POLR3E: variants seen among roughly 807,000 people sequenced by gnomAD.
The protein encoded by POLR3E is DNA-directed RNA polymerase III subunit RPC5.
Under a neutral mutation model 96.6 loss-of-function variants are expected in POLR3E, and 41 were observed. That is an observed-to-expected ratio of 0.42 (90% confidence interval 0.33 to 0.55). The LOEUF (loss-of-function observed/expected upper bound fraction) is 0.55, where lower values mean the gene tolerates loss of function less well. POLR3E is among the 20% of genes least tolerant of loss of function. POLR3E has a pLI of 0.06. For missense variants in POLR3E, 849 were observed against 952.1 expected (o/e 0.89, Z 1.43); for synonymous variants, 396 against 383.6 (o/e 1.03, Z -0.38).
chr16:22,301,542 G>A (rs7184510), intron 1 of POLR3E, among the ~76,000 whole-genome samples: 29,772 of 152,106 alleles, frequency 0.2, 6,945 homozygotes, highest in African/African-American at 0.56. Context: ...AATCACGGCA[G>A]AGCACTTCAA....
intron 5 of POLR3E, 116 bp from the exon 6 acceptor site, chr16:22,309,312 C>A (rs2048196428): frequency 5.9e-6 from 5 of 851,298 alleles, no homozygotes; most frequent in African/African-American, 1.6e-5. Context: ...TGCCCTGCGG[C>A]CTTGGTCCCT....
chr16:22,311,782 C>T (rs2048253071), intron 6 of POLR3E, among the ~76,000 whole-genome samples: 1 of 152,108 alleles, frequency 6.6e-6, no homozygotes, highest in South Asian at 2.1e-4. Flanking sequence ...AGATATGAGC[C>T]ACTGCACCCA....
At chr16:22,299,501 C>T (rs1353176878) in intron 1 of POLR3E, among the ~76,000 whole-genome samples, 1 of 150,148 alleles carries the variant, frequency 6.7e-6, no homozygotes, top group East Asian at 2.0e-4. Flanking sequence ...GCAACCTCTG[C>T]CTTCTGGGTT....
Position 22,322,684 on chromosome 16 carries a change from C to A in POLR3E, c.987-166C>A, listed in dbSNP as rs541136245. On this transcript the variant is annotated intron_variant, in intron 13 of 20. Coordinates refer to ENST00000299853, the MANE Select transcript of POLR3E (RefSeq NM_018119.4). The surrounding 1 kb of genome is among the most constrained non-coding windows in gnomAD (Gnocchi z 5.2). ...GTGTGGGGTAGAGGGGTGCTTCTTT[C>A]CCATGTCTGTGTTCACAGATGTGGC... Among the ~76,000 whole-genome samples, 1 of 152,172 alleles carries A rather than the reference C, an allele frequency of 6.6e-6. No homozygotes were observed. Among genetic ancestry groups the A allele is most frequent in the South Asian group, 2.1e-4 (1 of 4,828 alleles).
chr16:22,315,334 A>G, intron 9 of POLR3E, 126 bp downstream of exon 9: 1 of 1,040,130 alleles, frequency 9.6e-7, no homozygotes, highest in Non-Finnish European at 1.4e-6. Context: ...TAGAGGATCG[A>G]GTCCTGTGGG....
intron 3 of POLR3E, among the ~76,000 whole-genome samples, chr16:22,307,515 C>T (rs1369194699): frequency 6.6e-6 from 1 of 152,188 alleles, no homozygotes; most frequent in East Asian, 1.9e-4. Context: ...GGACAGTGTA[C>T]TGTGAGGACA....
rs569765174 is a variant in POLR3E at position 22,314,161 on chromosome 16, G to A, written c.522+33G>A. 7 of 1,594,446 alleles carry A rather than the reference G, an allele frequency of 4.4e-6. No homozygotes were observed. In the South Asian group the frequency reaches 7.7e-5, roughly 18 times the overall value. ...CTGGCCCCTGGAGGAGGAGGGTGCT[G>A]CCTGGGCGGCAGCAGGACCAGAGAC... On this transcript the variant is annotated intron_variant, in intron 8 of 20. Coordinates refer to ENST00000299853, the MANE Select transcript of POLR3E (RefSeq NM_018119.4).
Position 22,325,891 on chromosome 16 carries a change from C to G in POLR3E, c.1479C>G (p.Pro493=), listed in dbSNP as rs539462719. ...KEQLRVPAVP[P]GVRIKEEPVS... is the part of the protein sequence containing the mutation. ...AGCTGCGGGTGCCTGCGGTCCCGCC[C>G]GGTGTGCGGATCAAGGAGGAGCCCG... Residue 493 remains proline, a synonymous_variant, in exon 18 of 21, where the codon CCC becomes CCG. Coordinates refer to ENST00000299853, the MANE Select transcript of POLR3E (RefSeq NM_018119.4). 1 of 1,608,286 alleles carries G rather than the reference C, an allele frequency of 6.2e-7. No individual in the cohort carries two copies. Among genetic ancestry groups the G allele is most frequent in the Admixed American group, 1.7e-5 (1 of 59,002 alleles).
In POLR3E at chr16:22,326,108, G is replaced by A. The variant is rs1233055917; in HGVS notation, c.1696G>A (p.Val566Met). 2.5e-6 allele frequency: 4 copies of A among 1,613,742 alleles called. No homozygotes were observed. The highest frequency in any genetic ancestry group is 1.3e-5 in the African/African-American group (1 of 74,932). The change falls in exon 18 of 21, where the codon GTG becomes ATG. Residue 566 changes from valine (V) to methionine (M), a missense_variant. Val to Met is a conservative substitution (Grantham distance 21). Transcript: ENST00000299853. ...TGTGGCTCGGGAACTGAAGGCCTTC[G>A]TGGAGGCCACCTTTCAGAGACAGTT... ...TPVARELKAF[V>M]EATFQRQFVL...
intron 1 of POLR3E, chr16:22,299,161 T>G (rs1567304507): frequency 2.5e-6 from 1 of 401,626 alleles, no homozygotes. Flanking sequence ...CTGCAGGCGG[T>G]GATGATATTT....
Position 22,324,489 on chromosome 16 carries a change from C to G in POLR3E, c.1129-14C>G. 1.2e-6 allele frequency: 2 copies of G among 1,610,786 alleles called. No individual in the cohort carries two copies. Among genetic ancestry groups the G allele is most frequent in the Non-Finnish European group, 1.7e-6 (2 of 1,178,480 alleles). ...GGGCTGGCTGTGCCTCACGCTGGGCCCCCTCCCCTCCAGCTCTGCGCCGAG... is the reference window on the plus strand; with the variant it reads ...GGGCTGGCTGTGCCTCACGCTGGGCGCCCTCCCCTCCAGCTCTGCGCCGAG... On this transcript the variant is annotated splice_polypyrimidine_tract_variant and intron_variant, in intron 15 of 20. Transcript: ENST00000299853.
intron 18 of POLR3E, chr16:22,326,571 C>T (rs995459785): frequency 1.9e-6 from 1 of 517,816 alleles, no homozygotes; most frequent in African/African-American, 1.9e-5. Context: ...CCTGGTTTCT[C>T]ACCCTGTCCC....
chr16:22,308,903 TG>T, intron 4 of POLR3E, 21 bp from the exon 5 acceptor site: 1 of 1,540,072 alleles, frequency 6.5e-7, no homozygotes, highest in Non-Finnish European at 9.0e-7. Context: ...TCATAGCTGG[TG>T]GGGGTGCTTG....
intron 13 of POLR3E, 75 bp downstream of exon 13, chr16:22,319,021 C>T: frequency 8.4e-7 from 1 of 1,193,548 alleles, no homozygotes; most frequent in Non-Finnish European, 1.2e-6. Context: ...GTTGCCCAGG[C>T]TGGTGTGTAG....
intron 6 of POLR3E, among the ~76,000 whole-genome samples, chr16:22,311,038 T>C (rs1371362284): frequency 6.6e-6 from 1 of 152,214 alleles, no homozygotes; most frequent in Non-Finnish European, 1.5e-5. Context: ...CAATCTTGGC[T>C]CACTGAAACC....
At chr16:22,304,215 G>A (rs192668203) in intron 2 of POLR3E, among the ~76,000 whole-genome samples, 214 of 152,270 alleles carry the variant, frequency 1.4e-3, no homozygotes, top group Non-Finnish European at 2.6e-3. Context: ...AAAAGTAACT[G>A]CATCTGCCTT....
At chr16:22,302,628 T>A in intron 1 of POLR3E, 1 of 318,574 alleles carries the variant, frequency 3.1e-6, no homozygotes, top group Admixed American at 4.6e-5. Context: ...CAGTGAATTC[T>A]CTGTGAGCAG....
Position 22,313,234 on chromosome 16 carries a change from G to A in POLR3E, c.365-386G>A, listed in dbSNP as rs1481561970. 3.9e-5 allele frequency among the ~76,000 whole-genome samples: 6 copies of A among 152,198 alleles called. No homozygotes were observed. Among genetic ancestry groups the A allele is most frequent in the South Asian group, 4.1e-4 (2 of 4,830 alleles). On this transcript the variant is annotated intron_variant, in intron 6 of 20. Coordinates refer to ENST00000299853, the MANE Select transcript of POLR3E (RefSeq NM_018119.4). The surrounding 1 kb of genome is among the most constrained non-coding windows in gnomAD (Gnocchi z 4.1). Reference sequence around the variant, plus strand: ...GAGAGGAAATCCAGGTGTGTGGGGCGGGACAGTAAGGCTGAGCTGGCCGAG... The same window carrying A: ...GAGAGGAAATCCAGGTGTGTGGGGCAGGACAGTAAGGCTGAGCTGGCCGAG...
intron 2 of POLR3E, 71 bp downstream of exon 2, chr16:22,303,075 C>T (rs990422366): frequency 5.7e-5 from 77 of 1,361,338 alleles, no homozygotes; most frequent in South Asian, 1.4e-4. Context: ...CATGTGTCCT[C>T]AGGCCAGTCT....
Sources: allele counts gnomAD v4.1 joint callset (sites outside exome capture counted in the v4.1 genomes callset), GRCh38; gene constraint gnomAD v4.1.1; non-coding constraint Gnocchi (gnomAD v3.1); transcripts MANE v1.5; gene names NCBI Gene and HGNC (gene_info 2026-07-23, HGNC 2026-07-21).